The following GPR137C variants were observed in gnomAD, a reference collection of about 807,000 sequenced individuals.
GPR137C encodes G protein-coupled receptor 137C, also known as integral membrane protein GPR137C.
In GPR137C, 27 loss-of-function variants were observed where a neutral mutation model predicts 43.4. The ratio of observed to expected loss-of-function variants is 0.62; its 90% CI spans 0.46 to 0.86. The LOEUF is 0.86. GPR137C is among the 40% of genes least tolerant of loss of function. GPR137C has a pLI of 0.00. For missense variants in GPR137C, 522 were observed against 534.6 expected (o/e 0.98, Z 0.23); for synonymous variants, 285 against 226.9 (o/e 1.26, Z -2.30).
chr14:52,631,157 G>A (rs921889350), intron 3 of GPR137C, among the ~76,000 whole-genome samples: 2 of 152,076 alleles, frequency 1.3e-5, no homozygotes, highest in South Asian at 2.1e-4. Context: ...TATTCAAAAC[G>A]GAATTAGGTT....
intron 3 of GPR137C, among the ~76,000 whole-genome samples, chr14:52,624,191 G>A (rs1339220338): frequency 6.8e-6 from 1 of 145,988 alleles, no homozygotes; most frequent in Non-Finnish European, 1.5e-5. Flanking sequence ...GTAGGTGTGA[G>A]CACAATTCTA....
chr14:52,564,831 A>G (rs2038342033), intron 1 of GPR137C, among the ~76,000 whole-genome samples: 1 of 152,100 alleles, frequency 6.6e-6, no homozygotes, highest in South Asian at 2.1e-4. Flanking sequence ...ACCATATCCC[A>G]AATAGCATAG....
intron 3 of GPR137C, among the ~76,000 whole-genome samples, chr14:52,607,012 A>T (rs186857743): frequency 2.3e-4 from 35 of 152,118 alleles, no homozygotes; most frequent in African/African-American, 8.4e-4. Flanking sequence ...TTCTCAAGAA[A>T]TTTTTTAATT....
intron 3 of GPR137C, among the ~76,000 whole-genome samples, chr14:52,615,658 T>C (rs914216675): frequency 5.9e-5 from 9 of 152,150 alleles, no homozygotes; most frequent in African/African-American, 2.2e-4. Context: ...TTTATAGTTT[T>C]CATTGTAGAG....
At chr14:52,602,455 T>C (rs1173425352) in intron 3 of GPR137C, among the ~76,000 whole-genome samples, 1 of 152,116 alleles carries the variant, frequency 6.6e-6, no homozygotes, top group Non-Finnish European at 1.5e-5. Flanking sequence ...CATTCTTTCT[T>C]CCTTCCTTTA....
chr14:52,571,033 T>C (rs562744742), intron 1 of GPR137C, among the ~76,000 whole-genome samples: 9 of 152,332 alleles, frequency 5.9e-5, no homozygotes, highest in African/African-American at 1.4e-4. Flanking sequence ...CAACGAAATA[T>C]ACATTCTTCT....
In GPR137C at chr14:52,598,259, A is replaced by G. The variant is rs1051567587; in HGVS notation, c.445-13A>G. 2.5e-6 allele frequency: 3 copies of G among 1,218,350 alleles called. No homozygotes were observed. The highest frequency in any genetic ancestry group is 1.6e-5 in the African/African-American group (1 of 64,326). 75.5% of individuals were successfully genotyped at this position (1,218,350 alleles called of 1,614,324 possible). ...CACGTTTTCAAAATTTTTTTTTTAT[A>G]TTCTCTTTATAGGTTATATGTAAAG... On this transcript the variant is annotated splice_polypyrimidine_tract_variant and intron_variant, in intron 1 of 6. Coordinates refer to ENST00000321662, the MANE Select transcript of GPR137C (RefSeq NM_001099652.2).
intron 1 of GPR137C, among the ~76,000 whole-genome samples, chr14:52,596,098 G>C (rs1216935104): frequency 1.3e-5 from 2 of 152,186 alleles, no homozygotes; most frequent in Non-Finnish European, 2.9e-5. Context: ...GTCTGTTGGA[G>C]TTTGCTAGAG....
At chr14:52,568,110 A>G (rs1003018542) in intron 1 of GPR137C, among the ~76,000 whole-genome samples, 2 of 152,190 alleles carry the variant, frequency 1.3e-5, no homozygotes, top group East Asian at 3.9e-4. Flanking sequence ...TACCTGGCTC[A>G]TCTCATTGGG....
chr14:52,571,816 G>C (rs1185152007), intron 1 of GPR137C, among the ~76,000 whole-genome samples: 1 of 152,092 alleles, frequency 6.6e-6, no homozygotes, highest in African/African-American at 2.4e-5. Context: ...CCAGGAGCTG[G>C]TTTTCTGAAA....
At chr14:52,616,537 G>T (rs1475219025) in intron 3 of GPR137C, among the ~76,000 whole-genome samples, 10 of 151,288 alleles carry the variant, frequency 6.6e-5, no homozygotes, top group Non-Finnish European at 1.0e-4. Context: ...CATGTGATCC[G>T]CCTGCCTCAG....
At chr14:52,627,723 A>T (rs2039245031) in intron 3 of GPR137C, among the ~76,000 whole-genome samples, 1 of 152,072 alleles carries the variant, frequency 6.6e-6, no homozygotes, top group South Asian at 2.1e-4. Context: ...ACGTGCCTGT[A>T]ATCCCAGCTA....
At chr14:52,553,666 A>T in intron 1 of GPR137C, 75 bp downstream of exon 1, 2 of 515,072 alleles carry the variant, frequency 3.9e-6, no homozygotes, top group Middle Eastern at 3.0e-4. Flanking sequence ...GCTGAGGACC[A>T]GCGGGGGCGG....
intron 1 of GPR137C, among the ~76,000 whole-genome samples, chr14:52,565,581 A>C (rs1382460789): frequency 6.6e-6 from 1 of 152,198 alleles, no homozygotes; most frequent in Non-Finnish European, 1.5e-5. Context: ...ATACCCTTCA[A>C]CACCTAGCAC....
intron 3 of GPR137C, among the ~76,000 whole-genome samples, chr14:52,631,198 A>G (rs1219425053): frequency 6.6e-6 from 1 of 152,196 alleles, no homozygotes; most frequent in Non-Finnish European, 1.5e-5. Flanking sequence ...CAGGTGTTTC[A>G]TCTTCATGAC....
At chr14:52,585,741 G>A (rs112602452) in intron 1 of GPR137C, among the ~76,000 whole-genome samples, 2,819 of 152,140 alleles carry the variant, frequency 0.019, 41 homozygotes, top group Non-Finnish European at 0.026. Context: ...AGGCTGAGGC[G>A]TGAGAATCAC....
chr14:52,628,682 G>C (rs917198570), intron 3 of GPR137C, among the ~76,000 whole-genome samples: 1 of 152,092 alleles, frequency 6.6e-6, no homozygotes, highest in Middle Eastern at 3.2e-3. Context: ...TGTAATCCCA[G>C]CTACTCGGGA....
At chr14:52,582,563 G>T (rs769741001) in intron 1 of GPR137C, among the ~76,000 whole-genome samples, 1 of 152,244 alleles carries the variant, frequency 6.6e-6, no homozygotes, top group African/African-American at 2.4e-5. Context: ...GGAGGCCAAG[G>T]CGGGCAGATC....
intron 3 of GPR137C, among the ~76,000 whole-genome samples, chr14:52,622,403 G>C (rs567494411): frequency 1.6e-4 from 24 of 152,140 alleles, no homozygotes; most frequent in African/African-American, 5.5e-4. Context: ...ATATTCAAAA[G>C]CATGTGTTAA....
Sources: gnomAD v4.1 joint callset for allele counts (sites outside exome capture counted in the v4.1 genomes callset) on GRCh38, gnomAD v4.1.1 for gene constraint, MANE v1.5 for transcripts, NCBI Gene and HGNC (gene_info 2026-07-23, HGNC 2026-07-21) for gene names.